Variants in CYP7B1 observed in about 807,000 individuals in gnomAD.
CYP7B1 encodes the protein cytochrome P450 family 7 subfamily B member 1, also known as cytochrome P450 7B1.
In CYP7B1, 29 loss-of-function variants were observed where a neutral mutation model predicts 42.7. The ratio of observed to expected loss-of-function variants is 0.68; its 90% CI spans 0.51 to 0.93. The LOEUF is 0.93. Among genes scored for constraint, CYP7B1 ranks in the 40% least tolerant of loss-of-function variants. The pLI is 0.00. For missense variants in CYP7B1, 655 were observed against 600.5 expected (o/e 1.09, Z -0.95); for synonymous variants, 235 against 218.2 (o/e 1.08, Z -0.68).
intron 1 of CYP7B1, among the ~76,000 whole-genome samples, chr8:64,642,378 TC>T (rs1218823559): frequency 2.0e-5 from 3 of 152,118 alleles, no homozygotes; most frequent in African/African-American, 7.2e-5. Flanking sequence ...AAGTGTGTCT[TC>T]CTGTTTTATT....
At chr8:64,741,807 T>C (rs1355764260) in intron 1 of CYP7B1, among the ~76,000 whole-genome samples, 1 of 152,166 alleles carries the variant, frequency 6.6e-6, no homozygotes, top group Non-Finnish European at 1.5e-5. Flanking sequence ...GTGTACAGGA[T>C]ATATATGCAG....
chr8:64,683,140 C>T (rs1806564813), intron 1 of CYP7B1, among the ~76,000 whole-genome samples: 2 of 152,174 alleles, frequency 1.3e-5, no homozygotes, highest in African/African-American at 4.8e-5. Context: ...TCTAACGCTT[C>T]CCCCATTAAC....
chr8:64,647,723 C>G (rs1294075637), intron 1 of CYP7B1, among the ~76,000 whole-genome samples: 1 of 152,244 alleles, frequency 6.6e-6, no homozygotes, highest in Admixed American at 6.5e-5. Flanking sequence ...CTCCTCCCTC[C>G]ACATTTTATT....
intron 1 of CYP7B1, among the ~76,000 whole-genome samples, chr8:64,693,451 T>A (rs1405482646): frequency 1.3e-5 from 2 of 152,212 alleles, no homozygotes; most frequent in African/African-American, 4.8e-5. Context: ...ACAGCATAGC[T>A]CAGTACCATA....
At chr8:64,707,478 A>G (rs921747460) in intron 1 of CYP7B1, among the ~76,000 whole-genome samples, 8 of 152,090 alleles carry the variant, frequency 5.3e-5, no homozygotes, top group Admixed American at 2.6e-4. Context: ...CTTCACAAAC[A>G]CAATCAGACT....
intron 5 of CYP7B1, among the ~76,000 whole-genome samples, chr8:64,600,976 T>C (rs1200424545): frequency 6.6e-6 from 1 of 152,240 alleles, no homozygotes; most frequent in African/African-American, 2.4e-5. Context: ...AAGTGATTTC[T>C]GGATAGTAAT....
At chr8:64,777,146 A>T (rs1414970811) in intron 1 of CYP7B1, among the ~76,000 whole-genome samples, 1 of 151,328 alleles carries the variant, frequency 6.6e-6, no homozygotes, top group Non-Finnish European at 1.5e-5. Context: ...CCATCATGTA[A>T]AAAGTAAACC....
chr8:64,627,564 T>G (rs1445458605), intron 1 of CYP7B1, among the ~76,000 whole-genome samples: 2 of 152,240 alleles, frequency 1.3e-5, no homozygotes, highest in Non-Finnish European at 2.9e-5. Flanking sequence ...AATTTCATCC[T>G]CTATGCTCTG....
chr8:64,721,388 G>C (rs1245936630), intron 1 of CYP7B1, among the ~76,000 whole-genome samples: 1 of 152,000 alleles, frequency 6.6e-6, no homozygotes, highest in East Asian at 1.9e-4. Flanking sequence ...CATAGCTTCT[G>C]TATTTTATTT....
intron 1 of CYP7B1, among the ~76,000 whole-genome samples, chr8:64,671,289 T>G (rs903325419): frequency 1.3e-5 from 2 of 152,102 alleles, no homozygotes; most frequent in African/African-American, 4.8e-5. Flanking sequence ...GGGTACAGGA[T>G]AAAAGGGCTT....
At chr8:64,796,581 T>G (rs752405835) in intron 1 of CYP7B1, among the ~76,000 whole-genome samples, 1 of 152,202 alleles carries the variant, frequency 6.6e-6, no homozygotes, top group Non-Finnish European at 1.5e-5. Context: ...AAAGCACACA[T>G]ACATTTTGAT....
intron 1 of CYP7B1, among the ~76,000 whole-genome samples, chr8:64,754,046 C>T (rs1807771071): frequency 1.3e-5 from 2 of 152,062 alleles, no homozygotes; most frequent in Non-Finnish European, 2.9e-5. Flanking sequence ...CAACCATGTC[C>T]ATGCAACAAA....
intron 1 of CYP7B1, among the ~76,000 whole-genome samples, chr8:64,750,120 A>C (rs1203011696): frequency 6.6e-6 from 1 of 152,186 alleles, no homozygotes; most frequent in Non-Finnish European, 1.5e-5. Context: ...CTAACTTTCT[A>C]TGATTGATTT....
At chr8:64,675,256 C>T (rs899229698) in intron 1 of CYP7B1, among the ~76,000 whole-genome samples, 8 of 151,988 alleles carry the variant, frequency 5.3e-5, no homozygotes, top group African/African-American at 1.4e-4. Context: ...TTCATTTCAA[C>T]AGTAGATTCT....
intron 1 of CYP7B1, among the ~76,000 whole-genome samples, chr8:64,705,492 T>C (rs1480734846): frequency 6.6e-6 from 1 of 151,574 alleles, no homozygotes; most frequent in East Asian, 1.9e-4. Flanking sequence ...TCATATATCC[T>C]AATTTGATGT....
At chr8:64,790,645 A>C (rs914590319) in intron 1 of CYP7B1, among the ~76,000 whole-genome samples, 8 of 152,226 alleles carry the variant, frequency 5.3e-5, no homozygotes, top group Non-Finnish European at 1.0e-4. Context: ...TGAATTAATC[A>C]AAACGTTTAA....
intron 1 of CYP7B1, among the ~76,000 whole-genome samples, chr8:64,676,584 T>C (rs1247368107): frequency 1.3e-5 from 2 of 152,038 alleles, no homozygotes; most frequent in Non-Finnish European, 2.9e-5. Context: ...CTAATTAAAT[T>C]TACCACCTGG....
At chr8:64,739,889 G>GA (rs1299880607) in intron 1 of CYP7B1, among the ~76,000 whole-genome samples, 31 of 152,012 alleles carry the variant, frequency 2.0e-4, no homozygotes, top group African/African-American at 7.0e-4. Context: ...GTGTTGAAAG[G>GA]AAAAAAATCA....
At chr8:64,688,555 T>C (rs900149481) in intron 1 of CYP7B1, among the ~76,000 whole-genome samples, 2 of 152,212 alleles carry the variant, frequency 1.3e-5, no homozygotes, top group African/African-American at 4.8e-5. Context: ...ACATCCCCTA[T>C]AAGCTTTCAG....
Sources: allele counts gnomAD v4.1 joint callset (sites outside exome capture counted in the v4.1 genomes callset), GRCh38; gene constraint gnomAD v4.1.1; transcripts MANE v1.5; gene names NCBI Gene and HGNC (gene_info 2026-07-23, HGNC 2026-07-21).